The following PTK7 variants were observed in gnomAD, a reference collection of about 807,000 sequenced individuals.
PTK7 encodes protein tyrosine kinase 7 (inactive), also known as inactive tyrosine-protein kinase 7.
In PTK7, 39 loss-of-function variants were observed where a neutral mutation model predicts 116.6. That is an observed-to-expected ratio of 0.33 (90% CI 0.26 to 0.44). The LOEUF is 0.44. Ranked by LOEUF, PTK7 falls within the 20% of genes least tolerant of loss-of-function variation. PTK7 has a pLI of 1.00. For synonymous variants in PTK7, 546 were observed against 563.6 expected (o/e 0.97, Z 0.44); for missense variants, 1,169 against 1,425.6 (o/e 0.82, Z 2.90).
At chr6:43,112,292 G>A (rs1470894696) in intron 1 of PTK7, among the ~76,000 whole-genome samples, 2 of 147,956 alleles carry the variant, frequency 1.4e-5, no homozygotes, top group African/African-American at 2.5e-5. Flanking sequence ...ATTTAGAGAC[G>A]TAGTCTCCCT....
chr6:43,159,197 A>G (rs1771692327), intron 18 of PTK7, among the ~76,000 whole-genome samples: 1 of 152,206 alleles, frequency 6.6e-6, no homozygotes, highest in Non-Finnish European at 1.5e-5. Context: ...TTAAATAAAT[A>G]AATAAACCTT....
At chr6:43,118,643 C>CTT (rs1768718388) in intron 1 of PTK7, among the ~76,000 whole-genome samples, 4 of 84,500 alleles carry the variant, frequency 4.7e-5, no homozygotes, top group Non-Finnish European at 2.2e-5. Context: ...CTCTCTCTCT[C>CTT]TCTCTCTCTC....
At chr6:43,131,780 G>A in intron 5 of PTK7, 1 of 574,526 alleles carries the variant, frequency 1.7e-6, no homozygotes, top group Non-Finnish European at 3.1e-6. Flanking sequence ...ATTGCCATTT[G>A]CCTCATTGCT....
chr6:43,085,288 G>A (rs912628629), intron 1 of PTK7, among the ~76,000 whole-genome samples: 1 of 152,046 alleles, frequency 6.6e-6, no homozygotes, highest in African/African-American at 2.4e-5. Context: ...TTTTTGAGAT[G>A]GAGTTTCTCT....
chr6:43,098,400 G>T (rs547644252), intron 1 of PTK7, among the ~76,000 whole-genome samples: 1 of 151,102 alleles, frequency 6.6e-6, no homozygotes, highest in African/African-American at 2.4e-5. Flanking sequence ...CTGTCGCCCA[G>T]GCTGGAGTGT....
At chr6:43,128,231 C>T (rs574912546) in intron 1 of PTK7, among the ~76,000 whole-genome samples, 159 of 152,272 alleles carry the variant, frequency 1.0e-3, no homozygotes, top group African/African-American at 3.5e-3. Context: ...GCAGTGTCCC[C>T]GGCTCCTCAG....
intron 13 of PTK7, 77 bp downstream of exon 13, chr6:43,142,376 T>TA: frequency 6.2e-7 from 1 of 1,604,478 alleles, no homozygotes; most frequent in East Asian, 2.2e-5. Flanking sequence ...AGCCCCTGTG[T>TA]ACAGAACATG....
At chr6:43,094,171 G>A (rs966048462) in intron 1 of PTK7, among the ~76,000 whole-genome samples, 3 of 152,186 alleles carry the variant, frequency 2.0e-5, no homozygotes, top group Admixed American at 6.5e-5. Context: ...AAAGTTCAAA[G>A]GGAGTAGTAG....
Position 43,144,513 on chromosome 6 carries a change from T to C in PTK7, c.2314T>C (p.Leu772=), listed in dbSNP as rs1351062206. 2 of 1,614,138 alleles carry C rather than the reference T, an allele frequency of 1.2e-6. No individual in the cohort carries two copies. Among genetic ancestry groups the C allele is most frequent in the Admixed American group, 1.7e-5 (1 of 60,014 alleles). ...EIQEEVALTS[L]GSGPAATNKR... ...CCAAGAAGAAGTGGCCTTGACCAGC[T>C]TGGGCTCCGGCCCCGCGGCCACCAA... The change falls in exon 15 of 20, where the codon TTG becomes CTG. Residue 772 remains leucine, a synonymous_variant. Transcript: ENST00000230419.
At chr6:43,132,865 T>G in intron 7 of PTK7, 178 bp downstream of exon 7, 209 of 854,142 alleles carry the variant, frequency 2.4e-4, no homozygotes, top group Non-Finnish European at 3.7e-4. Flanking sequence ...GCACAGGGGT[T>G]AGGGTGGGTG....
intron 3 of PTK7, 67 bp from the exon 4 acceptor site, chr6:43,130,163 T>C: frequency 2.1e-6 from 3 of 1,451,576 alleles, no homozygotes; most frequent in Non-Finnish European, 2.8e-6. Context: ...GACCCTCTGA[T>C]ACTGTATCCT....
chr6:43,159,705 T>C lies in PTK7; in HGVS notation c.2874-83T>C. The C allele has an allele frequency of 2.1e-6, 3 of 1,435,808 alleles. No individual in the cohort carries two copies. The East Asian group carries it at 7.0e-5, about 33-fold the overall frequency. 88.9% of individuals were successfully genotyped at this position (1,435,808 alleles called of 1,614,324 possible). ...AAAGGCTGGGCCCCCGGCTTGGGGATGCGTTCCAGATGGGGAGATGAGGGT... is the reference window on the plus strand; with the variant it reads ...AAAGGCTGGGCCCCCGGCTTGGGGACGCGTTCCAGATGGGGAGATGAGGGT... On this transcript the variant is annotated intron_variant, in intron 18 of 19. Coordinates refer to ENST00000230419, the MANE Select transcript of PTK7 (RefSeq NM_002821.5).
chr6:43,156,590 C>T (rs1582227554), intron 17 of PTK7, among the ~76,000 whole-genome samples: 3 of 151,998 alleles, frequency 2.0e-5, no homozygotes, highest in Non-Finnish European at 4.4e-5. Context: ...GCCTGGGTGA[C>T]AGAGTGAGAC....
chr6:43,155,774 G>A (rs1771390411), intron 17 of PTK7, among the ~76,000 whole-genome samples: 1 of 152,076 alleles, frequency 6.6e-6, no homozygotes, highest in African/African-American at 2.4e-5. Flanking sequence ...CTTTCACTTT[G>A]GAAAAGAGTT....
chr6:43,108,276 G>T (rs999558191), intron 1 of PTK7, among the ~76,000 whole-genome samples: 2 of 145,948 alleles, frequency 1.4e-5, no homozygotes, highest in African/African-American at 5.1e-5. Flanking sequence ...TGTATTTTTA[G>T]TAGAGACGGG....
At chr6:43,121,473 T>C (rs1768957714) in intron 1 of PTK7, among the ~76,000 whole-genome samples, 4 of 152,198 alleles carry the variant, frequency 2.6e-5, no homozygotes, top group Admixed American at 2.6e-4. Flanking sequence ...CTTGCTCTGC[T>C]TAGGGCAAGG....
intron 1 of PTK7, among the ~76,000 whole-genome samples, chr6:43,099,779 A>G (rs1767462842): frequency 6.6e-6 from 1 of 152,236 alleles, no homozygotes; most frequent in African/African-American, 2.4e-5. Context: ...GAAATTTATT[A>G]AAGAATCTGG....
At position 43,129,859 on chromosome 6, in the gene PTK7, G is replaced by T. The variant is rs534888100; in HGVS notation, c.470+30G>T. The T allele has an allele frequency of 6.3e-7, 1 of 1,596,536 alleles. No individual in the cohort carries two copies. The highest frequency in any genetic ancestry group is 8.6e-7 in the Non-Finnish European group (1 of 1,164,534). ...GGAGTCAGGGAGGTGGGGATGAAGA[G>T]GGTTATTCCGGACAGGGATGTCTCC... On this transcript the variant is annotated intron_variant, in intron 3 of 19. Transcript: ENST00000230419. This position sits in a 1 kb window ranked among gnomAD's most constrained non-coding sequence, Gnocchi z 4.5.
chr6:43,116,607 TGTGTG>T (rs1768540646), intron 1 of PTK7, among the ~76,000 whole-genome samples: 4 of 36,326 alleles, frequency 1.1e-4, no homozygotes, highest in African/African-American at 2.0e-4. Context: ...AGCTGGTTTG[TGTGTG>T]TGTGTGTGTG....
Sources: allele counts gnomAD v4.1 joint callset (sites outside exome capture counted in the v4.1 genomes callset), GRCh38; gene constraint gnomAD v4.1.1; non-coding constraint Gnocchi (gnomAD v3.1); transcripts MANE v1.5; gene names NCBI Gene and HGNC (gene_info 2026-07-23, HGNC 2026-07-21).